Variants in ACTR10 observed in about 807,000 individuals in gnomAD.
ACTR10 encodes the protein actin related protein 10.
A neutral mutation model predicts 56.2 loss-of-function variants in ACTR10; 43 were observed. The observed-to-expected ratio is 0.77, with a 90% CI of 0.60 to 0.99. The LOEUF (loss-of-function observed/expected upper bound fraction) is 0.99. Ranked by LOEUF, ACTR10 falls within the 50% of genes least tolerant of loss-of-function variation. ACTR10 has a pLI of 0.00. For synonymous variants in ACTR10, 170 were observed against 176.3 expected (o/e 0.96, Z 0.28); for missense variants, 466 against 507.8 (o/e 0.92, Z 0.79).
intron 5 of ACTR10, 175 bp from the exon 6 acceptor site, chr14:58,213,456 T>C: frequency 2.1e-6 from 1 of 469,836 alleles, no homozygotes; most frequent in Non-Finnish European, 3.8e-6. Flanking sequence ...CTGTTTTCTT[T>C]GATGAAGAAC....
At position 58,202,867 on chromosome 14, in the gene ACTR10, T is replaced by G; in HGVS notation, c.90T>G (p.Ala30=). ...CATTTATTTGCAGGTGTGGATTTGCTGGAGAAACTGGTCCAAGATGTATAA... is the reference window on the plus strand; with the variant it reads ...CATTTATTTGCAGGTGTGGATTTGCGGGAGAAACTGGTCCAAGATGTATAA... The part of the protein sequence containing the change: ...LGEAFTKCGF[A]GETGPRCIIP... Residue 30 remains alanine (A), a synonymous_variant, in exon 2 of 13, where the codon GCT becomes GCG. Coordinates refer to ENST00000254286, the MANE Select transcript of ACTR10 (RefSeq NM_018477.3). The G allele has an allele frequency of 6.2e-7, 1 of 1,605,726 alleles. No homozygotes were observed.
chr14:58,200,695 C>T lies in ACTR10; in HGVS notation c.77+401C>T, dbSNP rs574255414. On this transcript the variant is annotated intron_variant, in intron 1 of 12. Coordinates refer to ENST00000254286, the MANE Select transcript of ACTR10 (RefSeq NM_018477.3). ...ACGAATTTCATCATAAAATATTGAA[C>T]GGAGTTTATTTTGGTGCTGAAAATG... Among the ~76,000 whole-genome samples, 12 of 152,236 alleles carry T rather than the reference C, an allele frequency of 7.9e-5. No homozygotes were observed. The East Asian group carries it at 2.1e-3, about 27-fold the overall frequency.
intron 5 of ACTR10, among the ~76,000 whole-genome samples, chr14:58,211,677 G>C (rs1888999891): frequency 6.6e-6 from 1 of 152,082 alleles, no homozygotes; most frequent in South Asian, 2.1e-4. Context: ...AAGTTGACTA[G>C]AATAGTCAAG....
chr14:58,230,827 C>T (rs1228027671), intron 11 of ACTR10, among the ~76,000 whole-genome samples: 2 of 151,286 alleles, frequency 1.3e-5, no homozygotes, highest in African/African-American at 4.9e-5. Flanking sequence ...GTGGCGCGAT[C>T]TCAGCTCACT....
At chr14:58,226,765 A>G (rs1431523706) in intron 10 of ACTR10, among the ~76,000 whole-genome samples, 1 of 151,968 alleles carries the variant, frequency 6.6e-6, no homozygotes, top group Non-Finnish European at 1.5e-5. Flanking sequence ...ATGCCCAGCT[A>G]ATTTTTGTAT....
chr14:58,206,154 A>T (rs577920101), intron 2 of ACTR10, among the ~76,000 whole-genome samples: 18 of 151,186 alleles, frequency 1.2e-4, no homozygotes, highest in Admixed American at 3.3e-4. Flanking sequence ...TTTTGTTGCC[A>T]CTTTCCTTGG....
At chr14:58,229,894 AAT>A (rs113775341) in intron 10 of ACTR10, among the ~76,000 whole-genome samples, 1 of 152,036 alleles carries the variant, frequency 6.6e-6, no homozygotes, top group African/African-American at 2.4e-5. Flanking sequence ...ACCAAAAAGA[AAT>A]AGAGTAATTT....
chr14:58,201,776 C>G (rs577383454), intron 1 of ACTR10, among the ~76,000 whole-genome samples: 2 of 152,178 alleles, frequency 1.3e-5, no homozygotes, highest in South Asian at 4.1e-4. Flanking sequence ...AAAGCTGAGG[C>G]GGGCTGACCA....
At chr14:58,207,516 C>T (rs577055405) in intron 2 of ACTR10, among the ~76,000 whole-genome samples, 235 of 150,858 alleles carry the variant, frequency 1.6e-3, no homozygotes, top group Non-Finnish European at 2.8e-3. Context: ...GTAGAGACAG[C>T]GTTTCACCAT....
Position 58,226,545 on chromosome 14 carries a change from A to T in ACTR10, c.788+2689A>T, listed in dbSNP as rs183874107. Among the ~76,000 whole-genome samples, 146 of 151,944 alleles carry T rather than the reference A, an allele frequency of 9.6e-4. 1 individual carries two copies. Among genetic ancestry groups the T allele is most frequent in the Admixed American group, 3.7e-3 (57 of 15,240 alleles). On this transcript the variant is annotated intron_variant, in intron 10 of 12. Transcript: ENST00000254286. The stretch of plus-strand genomic sequence containing the variant: ...ATGTCTTACTTTCCAAACCCAATTA[A>T]TTTACGTTTACTAACATGTTTTTTG...
chr14:58,224,205 T>G (rs1185285451), intron 10 of ACTR10, among the ~76,000 whole-genome samples: 1 of 152,122 alleles, frequency 6.6e-6, no homozygotes, highest in Non-Finnish European at 1.5e-5. Flanking sequence ...TTCCGCCATG[T>G]TAGCCAGGTT....
intron 4 of ACTR10, among the ~76,000 whole-genome samples, chr14:58,210,371 C>G (rs1170060810): frequency 6.6e-6 from 1 of 152,076 alleles, no homozygotes; most frequent in Non-Finnish European, 1.5e-5. Context: ...TGGCATGCAC[C>G]TGTAGTCCCA....
chr14:58,217,946 T>A (rs1042353655), intron 7 of ACTR10, among the ~76,000 whole-genome samples: 4 of 151,894 alleles, frequency 2.6e-5, no homozygotes, highest in African/African-American at 9.7e-5. Flanking sequence ...AATGTAAGCA[T>A]TTTTTTTAGA....
intron 10 of ACTR10, among the ~76,000 whole-genome samples, chr14:58,224,758 T>A (rs1389821181): frequency 6.6e-6 from 1 of 151,782 alleles, no homozygotes; most frequent in African/African-American, 2.4e-5. Flanking sequence ...ATCCCAGTAC[T>A]TTGGGCAGAT....
At chr14:58,229,024 T>C (rs1346227113) in intron 10 of ACTR10, among the ~76,000 whole-genome samples, 1 of 152,180 alleles carries the variant, frequency 6.6e-6, no homozygotes, top group Non-Finnish European at 1.5e-5. Context: ...TTAAACATCT[T>C]ATATAACTAT....
rs78082145 is a variant in ACTR10, at chr14:58,209,174, C to G, written c.342+67C>G. ...AAAAAGAGAAGCAATAAAATTCTTA[C>G]CAATTTTTAGGGAATCTTTCTTCTC... On this transcript the variant is annotated intron_variant, in intron 4 of 12. Coordinates refer to ENST00000254286, the MANE Select transcript of ACTR10 (RefSeq NM_018477.3). 3.4e-6 allele frequency: 4 copies of G among 1,166,854 alleles called. No homozygotes were observed. In the East Asian group the frequency reaches 9.9e-5, roughly 29 times the overall value. 72.3% of individuals were successfully genotyped at this position (1,166,854 alleles called of 1,614,324 possible).
chr14:58,224,297 C>T (rs535693057), intron 10 of ACTR10, among the ~76,000 whole-genome samples: 27 of 151,592 alleles, frequency 1.8e-4, no homozygotes, highest in African/African-American at 5.6e-4. Context: ...CCACTGTGCC[C>T]GGCCTATTCA....
rs765716131 is a variant in ACTR10, at chr14:58,219,709, G to C, written c.614G>C (p.Gly205Ala). Reference sequence around the variant, plus strand: ...TTTGTTTTAGGTTCAGTTCCGGAAGGTGTCTTAGAGGACATTAAAGGTAAA... The same window carrying C: ...TTTGTTTTAGGTTCAGTTCCGGAAGCTGTCTTAGAGGACATTAAAGGTAAA... ...LPSVMGSVPE[G>A]VLEDIKARTC... The change falls in exon 8 of 13, where the codon GGT becomes GCT. Residue 205 changes from glycine (G) to alanine (A), a missense_variant. Gly to Ala is a moderately conservative substitution (Grantham distance 60). Transcript: ENST00000254286. 6.6e-7 allele frequency: 1 copy of C among 1,526,164 alleles called. No homozygotes were observed. Among genetic ancestry groups the C allele is most frequent in the Admixed American group, 2.1e-5 (1 of 47,882 alleles). 94.5% of individuals were successfully genotyped at this position (1,526,164 alleles called of 1,614,324 possible). A position where few individuals can be genotyped will look rare whatever the true frequency, so the allele number is the denominator to read the frequency against.
chr14:58,214,810 A>G (rs1174113719), intron 6 of ACTR10, among the ~76,000 whole-genome samples: 1 of 149,252 alleles, frequency 6.7e-6, no homozygotes, highest in African/African-American at 2.5e-5. Flanking sequence ...TTTTTATTTA[A>G]ATCATAATAA....
Sources: gnomAD v4.1 joint callset for allele counts (sites outside exome capture counted in the v4.1 genomes callset) on GRCh38, gnomAD v4.1.1 for gene constraint, MANE v1.5 for transcripts, NCBI Gene and HGNC (gene_info 2026-07-23, HGNC 2026-07-21) for gene names.